ERBB4: variants seen among roughly 807,000 people sequenced by gnomAD.
ERBB4 encodes receptor tyrosine-protein kinase erbB-4.
ERBB4 carries 42 observed loss-of-function variants against 158.0 expected under a neutral mutation model. That is an observed-to-expected ratio of 0.27 (90% CI 0.21 to 0.34). The LOEUF (loss-of-function observed/expected upper bound fraction) is 0.34. ERBB4 is among the 10% of genes least tolerant of loss of function. ERBB4 has a pLI of 1.00. For missense variants in ERBB4, 1,333 were observed against 1,624.1 expected, an observed-to-expected ratio of 0.82 and a Z score of 3.08; for synonymous variants, 583 against 558.7, an observed-to-expected ratio of 1.04 and a Z score of -0.61.
chr2:212,282,934 A>T (rs996008123), intron 1 of ERBB4, among the ~76,000 whole-genome samples: 12 of 151,956 alleles, frequency 7.9e-5, no homozygotes, highest in African/African-American at 2.9e-4. Context: ...CTTTGTCACA[A>T]GTGGGTAGAC....
At position 212,306,152 on chromosome 2, in the gene ERBB4, T is replaced by C. The variant is rs146585244; in HGVS notation, c.83-181249A>G. On this transcript the variant is annotated intron_variant, in intron 1 of 27. Coordinates refer to ENST00000342788, the MANE Select transcript of ERBB4 (RefSeq NM_005235.3). Reference sequence around the variant, plus strand: ...TTTTTATGTGCAACAGTAGATAATATATAGTAGTATTCTGCTTTTATTTGA... The same window carrying C: ...TTTTTATGTGCAACAGTAGATAATACATAGTAGTATTCTGCTTTTATTTGA... Among the ~76,000 whole-genome samples the C allele has an allele frequency of 6.8e-3, 1,036 of 151,592 alleles. 9 individuals are homozygous for C. Among genetic ancestry groups the C allele is most frequent in the African/African-American group, 0.023 (945 of 41,466 alleles).
At chr2:211,447,805 T>C (rs191774635) in intron 20 of ERBB4, among the ~76,000 whole-genome samples, 1 of 152,322 alleles carries the variant, frequency 6.6e-6, no homozygotes, top group East Asian at 1.9e-4. Flanking sequence ...AAGTGCTACC[T>C]AAGATTTATT....
At position 211,769,576 on chromosome 2, in the gene ERBB4, T is replaced by G. The variant is rs190077426; in HGVS notation, c.556+18449A>C. On this transcript the variant is annotated intron_variant, in intron 4 of 27. Coordinates refer to ENST00000342788, the MANE Select transcript of ERBB4 (RefSeq NM_005235.3). ...GTCTCAGGATAGGACATCTGCAAAT[T>G]GAGAATCAAGGATCCCAGTGTAAAT... 2.2e-4 allele frequency among the ~76,000 whole-genome samples: 33 copies of G among 152,258 alleles called. No individual in the cohort carries two copies. The East Asian group carries it at 6.2e-3, about 29-fold the overall frequency.
intron 20 of ERBB4, among the ~76,000 whole-genome samples, chr2:211,448,910 C>G (rs1269501663): frequency 6.6e-6 from 1 of 152,042 alleles, no homozygotes; most frequent in Admixed American, 6.6e-5. Flanking sequence ...TTTAAAATCT[C>G]TTTGGGTAAA....
chr2:211,648,222 C>T (rs1227366020), intron 16 of ERBB4, among the ~76,000 whole-genome samples: 1 of 151,682 alleles, frequency 6.6e-6, no homozygotes, highest in East Asian at 1.9e-4. Flanking sequence ...TCTTCTCCAT[C>T]TCAGTTTATG....
chr2:211,788,270 GT>G (rs1438688899), intron 3 of ERBB4, 111 bp from the exon 4 acceptor site: 7 of 750,296 alleles, frequency 9.3e-6, no homozygotes, highest in Admixed American at 8.4e-5. Context: ...TTAGAGTCAT[GT>G]TGCTAATAGC....
chr2:211,528,321 A>C (rs1329541960), intron 20 of ERBB4, among the ~76,000 whole-genome samples: 4 of 152,062 alleles, frequency 2.6e-5, no homozygotes, highest in Non-Finnish European at 4.4e-5. Context: ...AATCATAAAT[A>C]TATATGTACT....
chr2:212,373,741 A>G (rs796930987), intron 1 of ERBB4, among the ~76,000 whole-genome samples: 9 of 138,878 alleles, frequency 6.5e-5, no homozygotes, highest in African/African-American at 1.3e-4. Context: ...ATATATCCAT[A>G]TATATATCCA....
chr2:211,586,134 T>C (rs2068269272), intron 19 of ERBB4, among the ~76,000 whole-genome samples: 1 of 152,066 alleles, frequency 6.6e-6, no homozygotes, highest in African/African-American at 2.4e-5. Context: ...TTCTAAGAAA[T>C]TGCTTTCCAC....
At chr2:211,852,035 C>T (rs991109080) in intron 3 of ERBB4, among the ~76,000 whole-genome samples, 1 of 151,912 alleles carries the variant, frequency 6.6e-6, no homozygotes, top group Non-Finnish European at 1.5e-5. Context: ...ATTTATATCA[C>T]TATTGTCATT....
At chr2:211,876,753 G>A (rs924024795) in intron 3 of ERBB4, among the ~76,000 whole-genome samples, 7 of 152,220 alleles carry the variant, frequency 4.6e-5, no homozygotes, top group Non-Finnish European at 2.9e-5. Context: ...ATGTTTAAAT[G>A]TATATACATA....
intron 1 of ERBB4, among the ~76,000 whole-genome samples, chr2:212,315,579 T>C (rs1014142525): frequency 6.6e-6 from 1 of 151,546 alleles, no homozygotes; most frequent in South Asian, 2.1e-4. Flanking sequence ...GAATTTGATG[T>C]GTCCTATTAC....
At chr2:212,027,943 G>T (rs537000647) in intron 2 of ERBB4, among the ~76,000 whole-genome samples, 2 of 151,934 alleles carry the variant, frequency 1.3e-5, no homozygotes, top group Non-Finnish European at 2.9e-5. Flanking sequence ...GAGATTCAAC[G>T]TACAACTCAT....
chr2:212,225,293 T>A (rs1218747691), intron 1 of ERBB4, among the ~76,000 whole-genome samples: 1 of 152,028 alleles, frequency 6.6e-6, no homozygotes, highest in Non-Finnish European at 1.5e-5. Flanking sequence ...TGAGAAAGCA[T>A]CAACCCTAAG....
Position 211,844,503 on chromosome 2 carries a change from T to C in ERBB4, c.422-56344A>G, listed in dbSNP as rs532571636. ...TGATCAAAAGCTTTATTTCTCTCAG[T>C]TGAATTTTTGATTGCTAACCTAGTG... On this transcript the variant is annotated intron_variant, in intron 3 of 27. Transcript: ENST00000342788. Among the ~76,000 whole-genome samples the C allele has an allele frequency of 1.3e-4, 20 of 152,312 alleles. No individual in the cohort carries two copies. In the South Asian group the frequency reaches 4.1e-3, roughly 32 times the overall value.
In ERBB4 at chr2:211,997,444, G is replaced by C. The variant is rs139804075; in HGVS notation, c.235-49828C>G. 5.3e-3 allele frequency among the ~76,000 whole-genome samples: 805 copies of C among 151,984 alleles called. 11 individuals are homozygous for C. Among genetic ancestry groups the C allele is most frequent in the African/African-American group, 0.019 (768 of 41,490 alleles). On this transcript the variant is annotated intron_variant, in intron 2 of 27. Transcript: ENST00000342788. ...TGATGTTGTAAACACATTAAATTAA[G>C]GGAAAACTATGTACCTAAAATAAAT...
chr2:212,350,192 T>C (rs1037384347), intron 1 of ERBB4, among the ~76,000 whole-genome samples: 4 of 152,124 alleles, frequency 2.6e-5, no homozygotes, highest in African/African-American at 9.7e-5. Flanking sequence ...TGCTCTCATG[T>C]TTTGATTAAT....
At chr2:212,216,981 TCC>T (rs2105941577) in intron 1 of ERBB4, among the ~76,000 whole-genome samples, 1 of 151,558 alleles carries the variant, frequency 6.6e-6, no homozygotes, top group East Asian at 1.9e-4. Context: ...CCTTGCAATA[TCC>T]TTCACATGTA....
intron 6 of ERBB4, among the ~76,000 whole-genome samples, chr2:211,723,973 A>G (rs1370046192): frequency 6.6e-6 from 1 of 152,098 alleles, no homozygotes; most frequent in Non-Finnish European, 1.5e-5. Flanking sequence ...TGATAATGGA[A>G]CCATGACAAA....
Sources: gnomAD v4.1 joint callset for allele counts (sites outside exome capture counted in the v4.1 genomes callset) on GRCh38, gnomAD v4.1.1 for gene constraint, MANE v1.5 for transcripts, NCBI Gene and HGNC (gene_info 2026-07-23, HGNC 2026-07-21) for gene names.